Variants in CDH18 observed in about 807,000 individuals in gnomAD.
The protein encoded by CDH18 is cadherin 18.
A neutral mutation model predicts 67.9 loss-of-function variants in CDH18; 31 were observed. That is an observed-to-expected ratio of 0.46 (90% confidence interval 0.34 to 0.62). The LOEUF (loss-of-function observed/expected upper bound fraction) is 0.62. Among genes scored for constraint, CDH18 ranks in the 20% least tolerant of loss-of-function variants. The pLI is 0.01. For synonymous variants in CDH18, 362 were observed against 347.2 expected (o/e 1.04, Z -0.48); for missense variants, 890 against 975.5 (o/e 0.91, Z 1.17).
At chr5:20,140,218 A>G (rs1169842549) in intron 2 of CDH18, among the ~76,000 whole-genome samples, 1 of 152,180 alleles carries the variant, frequency 6.6e-6, no homozygotes. Flanking sequence ...TGTCACAAGG[A>G]TAGAAAACCA....
chr5:19,849,188 C>T (rs1783360171), intron 2 of CDH18, among the ~76,000 whole-genome samples: 1 of 151,992 alleles, frequency 6.6e-6, no homozygotes, highest in African/African-American at 2.4e-5. Context: ...AAACTAGTCT[C>T]AGCTCAGTGG....
At chr5:20,523,239 C>CT (rs1023796936) in intron 1 of CDH18, among the ~76,000 whole-genome samples, 12 of 152,114 alleles carry the variant, frequency 7.9e-5, no homozygotes, top group East Asian at 3.9e-4. Context: ...CTCATGCATG[C>CT]TTTTTGCAAA....
chr5:19,706,172 C>T (rs536977189), intron 5 of CDH18, among the ~76,000 whole-genome samples: 1 of 152,284 alleles, frequency 6.6e-6, no homozygotes, highest in East Asian at 1.9e-4. Context: ...CGATTTCATA[C>T]AGATGAGCAA....
intron 5 of CDH18, among the ~76,000 whole-genome samples, chr5:19,622,161 C>T (rs1750814730): frequency 6.6e-6 from 1 of 152,132 alleles, no homozygotes; most frequent in South Asian, 2.1e-4. Flanking sequence ...CTCTCCTGGC[C>T]AGGTTAGATT....
Position 20,531,913 on chromosome 5 carries a change from A to T in CDH18, c.-580+43549T>A, listed in dbSNP as rs532815214. ...AATAATAAAATTAAAATTTAATTTA[A>T]TTAAGAAAAGAAAAAAATATAGTAA... On this transcript the variant is annotated intron_variant, in intron 1 of 14. Coordinates refer to the CDH18 transcript ENST00000507958. 7.8e-4 allele frequency among the ~76,000 whole-genome samples: 119 copies of T among 152,260 alleles called. 1 individual carries two copies. Among genetic ancestry groups the T allele is most frequent in the African/African-American group, 2.9e-3 (119 of 41,578 alleles).
At chr5:19,999,956 G>T (rs908091743) in intron 2 of CDH18, among the ~76,000 whole-genome samples, 1 of 152,102 alleles carries the variant, frequency 6.6e-6, no homozygotes. Flanking sequence ...AGTTCTTTCA[G>T]ATTCATATAG....
At chr5:20,067,724 G>A (rs1458010173) in intron 2 of CDH18, among the ~76,000 whole-genome samples, 1 of 151,982 alleles carries the variant, frequency 6.6e-6, no homozygotes, top group East Asian at 1.9e-4. Flanking sequence ...TAACCCAACT[G>A]TAAATTAAAG....
intron 1 of CDH18, among the ~76,000 whole-genome samples, chr5:20,453,710 G>T (rs1367609459): frequency 6.6e-6 from 1 of 151,916 alleles, no homozygotes; most frequent in Non-Finnish European, 1.5e-5. Context: ...TAGCAGCTCT[G>T]ATCCTGATGA....
At position 20,275,541 on chromosome 5, in the gene CDH18, C is replaced by T. The variant is rs1354481294; in HGVS notation, c.-579-20036G>A. Among the ~76,000 whole-genome samples the T allele has an allele frequency of 5.3e-5, 8 of 152,270 alleles. 1 individual carries two copies. Among genetic ancestry groups the T allele is most frequent in the African/African-American group, 1.9e-4 (8 of 41,568 alleles). Reference sequence around the variant, plus strand: ...CTAATACGCCACTTAACAGTTGTATCACACAAGCAATGCTTTATGGCATTT... The same window carrying T: ...CTAATACGCCACTTAACAGTTGTATTACACAAGCAATGCTTTATGGCATTT... On this transcript the variant is annotated intron_variant, in intron 1 of 14. Transcript: ENST00000507958.
At chr5:20,201,719 G>C (rs188245142) in intron 2 of CDH18, among the ~76,000 whole-genome samples, 1 of 152,104 alleles carries the variant, frequency 6.6e-6, no homozygotes, top group Non-Finnish European at 1.5e-5. Flanking sequence ...AAGCAAGTAA[G>C]ATGTCCAGAT....
chr5:19,876,112 G>A (rs1226596087), intron 2 of CDH18, among the ~76,000 whole-genome samples: 1 of 152,026 alleles, frequency 6.6e-6, no homozygotes, highest in Non-Finnish European at 1.5e-5. Flanking sequence ...ACTACATTCA[G>A]GTGTGGTCCA....
chr5:19,777,536 G>A (rs1399850207), intron 3 of CDH18, among the ~76,000 whole-genome samples: 4 of 152,182 alleles, frequency 2.6e-5, no homozygotes, highest in African/African-American at 9.7e-5. Context: ...GCCACACTGT[G>A]CTTGTGAAGA....
chr5:19,768,524 A>G (rs1349528379), intron 3 of CDH18, among the ~76,000 whole-genome samples: 2 of 152,090 alleles, frequency 1.3e-5, no homozygotes, highest in Non-Finnish European at 2.9e-5. Context: ...GGAGTTGTAA[A>G]CTTTCCAGCT....
chr5:19,622,439 G>T (rs980252564), intron 5 of CDH18, among the ~76,000 whole-genome samples: 1 of 152,170 alleles, frequency 6.6e-6, no homozygotes, highest in Non-Finnish European at 1.5e-5. Context: ...CTTGGCTTGA[G>T]GGATTAACGA....
chr5:20,325,274 C>T (rs1191815425), intron 1 of CDH18, among the ~76,000 whole-genome samples: 2 of 152,180 alleles, frequency 1.3e-5, no homozygotes. Context: ...CTGAACCCTT[C>T]CATCCTCTTA....
At chr5:20,376,974 G>C (rs938541631) in intron 1 of CDH18, among the ~76,000 whole-genome samples, 2 of 150,634 alleles carry the variant, frequency 1.3e-5, no homozygotes, top group Non-Finnish European at 2.9e-5. Context: ...CCAAGATCAC[G>C]CTACTGCACC....
At position 19,672,592 on chromosome 5, in the gene CDH18, A is replaced by T. The variant is rs147541833; in HGVS notation, c.643+48755T>A. Among the ~76,000 whole-genome samples the T allele has an allele frequency of 5.3e-3, 800 of 152,150 alleles. 15 individuals are homozygous for T. The highest frequency in any genetic ancestry group is 0.035 in the Admixed American group (541 of 15,240). On this transcript the variant is annotated intron_variant, in intron 5 of 12. Coordinates refer to ENST00000382275, the MANE Select transcript of CDH18 (RefSeq NM_004934.5). ...ACAAATGTTAAGGAAGGACCAAACAACTTAGTAAAATTTTCTCCACTGGTC... is the reference window on the plus strand; with the variant it reads ...ACAAATGTTAAGGAAGGACCAAACATCTTAGTAAAATTTTCTCCACTGGTC...
At chr5:20,536,193 A>C (rs1393933478) in intron 1 of CDH18, among the ~76,000 whole-genome samples, 2 of 152,186 alleles carry the variant, frequency 1.3e-5, no homozygotes, top group Non-Finnish European at 2.9e-5. Flanking sequence ...ATCCTATAAT[A>C]TAATAACCAA....
intron 5 of CDH18, among the ~76,000 whole-genome samples, chr5:19,637,468 AC>A (rs1753332043): frequency 6.6e-6 from 1 of 152,116 alleles, no homozygotes; most frequent in African/African-American, 2.4e-5. Context: ...CGCAGCAGTT[AC>A]GCCTGACAAA....
Sources: gnomAD v4.1 joint callset for allele counts (sites outside exome capture counted in the v4.1 genomes callset) on GRCh38, gnomAD v4.1.1 for gene constraint, MANE v1.5 for transcripts, NCBI Gene and HGNC (gene_info 2026-07-23, HGNC 2026-07-21) for gene names.